Variants in IL1RAPL1 observed in about 807,000 individuals in gnomAD.
The protein encoded by IL1RAPL1 is interleukin-1 receptor accessory protein-like 1.
A neutral mutation model predicts 48.4 loss-of-function variants in IL1RAPL1; 3 were observed. The ratio of observed to expected loss-of-function variants is 0.06; its 90% CI spans 0.03 to 0.16. The LOEUF (loss-of-function observed/expected upper bound fraction) is 0.16. Among genes scored for constraint, IL1RAPL1 ranks in the 10% least tolerant of loss-of-function variants. IL1RAPL1 has a pLI of 1.00. For missense variants in IL1RAPL1, 349 were observed against 530.6 expected, an observed-to-expected ratio of 0.66 and a Z score of 3.36; for synonymous variants, 185 against 187.7, an observed-to-expected ratio of 0.99 and a Z score of 0.12.
chrX:29,357,990 C>A (rs1274726162), intron 3 of IL1RAPL1, among the ~76,000 whole-genome samples: 1 of 111,263 alleles, frequency 9.0e-6, no homozygotes, highest in African/African-American at 3.3e-5. Flanking sequence ...TTCTTGTGAC[C>A]TCTTTGTGTA....
chrX:28,669,435 A>G (rs909911317), intron 1 of IL1RAPL1, among the ~76,000 whole-genome samples: 5 of 109,064 alleles, frequency 4.6e-5, no homozygotes, highest in Non-Finnish European at 9.5e-5. Flanking sequence ...ACTGGCCAAC[A>G]TGGTGAAACC....
intron 5 of IL1RAPL1, among the ~76,000 whole-genome samples, chrX:29,591,366 G>T (rs1457684775): frequency 2.7e-5 from 3 of 112,578 alleles, no homozygotes; most frequent in African/African-American, 9.7e-5. Context: ...ATTCAGACAA[G>T]CACTTCTTCC....
chrX:28,748,134 AT>A (rs1936000354), intron 1 of IL1RAPL1, among the ~76,000 whole-genome samples: 1 of 111,460 alleles, frequency 9.0e-6, no homozygotes, highest in Admixed American at 9.6e-5. Context: ...TTTGTTTTCT[AT>A]TTTCTATTTT....
intron 8 of IL1RAPL1, among the ~76,000 whole-genome samples, chrX:29,925,769 G>T (rs772735024): frequency 9.1e-6 from 1 of 109,997 alleles, no homozygotes; most frequent in South Asian, 3.9e-4. Flanking sequence ...TGAACTCCTC[G>T]GCTTAAGCGA....
At chrX:29,914,170 C>T (rs1048980726) in intron 6 of IL1RAPL1, among the ~76,000 whole-genome samples, 2 of 111,796 alleles carry the variant, frequency 1.8e-5, no homozygotes, top group Admixed American at 9.5e-5. Flanking sequence ...AACAGGTGAG[C>T]CAAGATGGCT....
chrX:28,846,897 TAC>T (rs1479960391), intron 2 of IL1RAPL1, among the ~76,000 whole-genome samples: 1 of 111,779 alleles, frequency 8.9e-6, no homozygotes, highest in East Asian at 2.8e-4. Context: ...TTTGTGCACT[TAC>T]TGCCTTGGAG....
chrX:28,756,366 C>T (rs1306823603), intron 1 of IL1RAPL1, among the ~76,000 whole-genome samples: 1 of 111,738 alleles, frequency 8.9e-6, no homozygotes, highest in Non-Finnish European at 1.9e-5. Flanking sequence ...TATCACTGCA[C>T]TCCAGACTGA....
At chrX:28,669,873 A>G (rs891453012) in intron 1 of IL1RAPL1, among the ~76,000 whole-genome samples, 1 of 107,138 alleles carries the variant, frequency 9.3e-6, no homozygotes, top group African/African-American at 3.4e-5. Context: ...GACATTGCTG[A>G]GGCTGGAAAG....
At chrX:29,137,256 G>GCGCGCACA (rs899409088) in intron 2 of IL1RAPL1, among the ~76,000 whole-genome samples, 1 of 27,607 alleles carries the variant, frequency 3.6e-5, no homozygotes, top group African/African-American at 1.5e-4. Flanking sequence ...ACACACTTGC[G>GCGCGCACA]CTCACACACA....
At chrX:29,915,902 CCCCCA>C in intron 6 of IL1RAPL1, among the ~76,000 whole-genome samples, 1 of 50,621 alleles carries the variant, frequency 2.0e-5, no homozygotes, top group South Asian at 2.0e-3. Context: ...CTCCCCCCTC[CCCCCA>C]CCCCACCACA....
At chrX:29,615,069 T>C (rs1305089638) in intron 5 of IL1RAPL1, among the ~76,000 whole-genome samples, 1 of 112,094 alleles carries the variant, frequency 8.9e-6, no homozygotes, top group African/African-American at 3.2e-5. Flanking sequence ...CCAAAGGTGC[T>C]CTACTAAATT....
intron 5 of IL1RAPL1, among the ~76,000 whole-genome samples, chrX:29,497,360 A>T (rs1935224998): frequency 9.0e-6 from 1 of 111,637 alleles, no homozygotes; most frequent in East Asian, 2.8e-4. Context: ...CTATGATTTA[A>T]GTATATTTTG....
chrX:29,694,263 C>T (rs1926851767), intron 6 of IL1RAPL1, among the ~76,000 whole-genome samples: 1 of 111,726 alleles, frequency 9.0e-6, no homozygotes, highest in African/African-American at 3.3e-5. Flanking sequence ...CTCCTCTTCA[C>T]TTTCTCCTCC....
intron 2 of IL1RAPL1, among the ~76,000 whole-genome samples, chrX:29,190,935 G>A (rs1412031143): frequency 9.0e-6 from 1 of 111,625 alleles, no homozygotes; most frequent in Non-Finnish European, 1.9e-5. Context: ...TGAATAATAC[G>A]AGAAAATCAA....
chrX:29,770,330 G>T (rs1247425363), intron 6 of IL1RAPL1, among the ~76,000 whole-genome samples: 4 of 111,275 alleles, frequency 3.6e-5, no homozygotes, highest in African/African-American at 9.8e-5. Context: ...CAAAATAAAA[G>T]AAAACAAACA....
intron 6 of IL1RAPL1, among the ~76,000 whole-genome samples, chrX:29,904,837 G>A (rs1328550530): frequency 8.9e-6 from 1 of 111,925 alleles, no homozygotes; most frequent in Non-Finnish European, 1.9e-5. Flanking sequence ...ACACATACGT[G>A]TGCATGCATC....
intron 3 of IL1RAPL1, among the ~76,000 whole-genome samples, chrX:29,307,553 A>G (rs1932644476): frequency 8.9e-6 from 1 of 112,347 alleles, no homozygotes; most frequent in Non-Finnish European, 1.9e-5. Flanking sequence ...ATAGAACTAT[A>G]CATAGCATAA....
rs1337096138 is a variant in IL1RAPL1, at chrX:29,645,946, GGCTTACTGCTGAAAGATGTT to G, written c.704-22483_704-22464del. Among the ~76,000 whole-genome samples, 4 of 112,258 alleles carry G rather than the reference GGCTTACTGCTGAAAGATGTT, an allele frequency of 3.6e-5. No individual in the cohort carries two copies. In the East Asian group the frequency reaches 1.1e-3, roughly 31 times the overall value. On this transcript the variant is annotated intron_variant, in intron 5 of 10. Transcript: ENST00000378993. ...ACAACCTTTTCAAAATGTCTGGACA[GGCTTACTGCTGAAAGATGTT>G]TTCAGACAAAACCAGATTGTGAAGG...
chrX:29,134,341 A>G (rs774802729), intron 2 of IL1RAPL1, among the ~76,000 whole-genome samples: 156 of 112,112 alleles, frequency 1.4e-3, no homozygotes, highest in Admixed American at 3.0e-3. Context: ...CTGTTGGTCT[A>G]TATCCTGTCT....
Sources: allele counts gnomAD v4.1 joint callset (sites outside exome capture counted in the v4.1 genomes callset), GRCh38; gene constraint gnomAD v4.1.1; transcripts MANE v1.5; gene names NCBI Gene and HGNC (gene_info 2026-07-23, HGNC 2026-07-21).